PXDN: variants seen among roughly 807,000 people sequenced by gnomAD.
The protein encoded by PXDN is peroxidasin homolog.
PXDN carries 77 observed loss-of-function variants against 140.3 expected under a neutral mutation model. That is an observed-to-expected ratio of 0.55 (90% CI 0.46 to 0.66). The LOEUF (loss-of-function observed/expected upper bound fraction) is 0.66, where lower values mean the gene tolerates loss of function less well. Among genes scored for constraint, PXDN ranks in the 30% least tolerant of loss-of-function variants. PXDN has a pLI of 0.00. For missense variants in PXDN, 1,838 were observed against 2,039.5 expected (o/e 0.90, Z 1.90); for synonymous variants, 911 against 857.4 (o/e 1.06, Z -1.09).
At chr2:1,667,580 A>G (rs929252676) in intron 9 of PXDN, among the ~76,000 whole-genome samples, 1 of 152,204 alleles carries the variant, frequency 6.6e-6, no homozygotes, top group Non-Finnish European at 1.5e-5. Context: ...AAACTCCTTA[A>G]GCTTATAAAC....
At position 1,639,462 on chromosome 2, in the gene PXDN, C is replaced by T. The variant is rs1281915125; in HGVS notation, c.3953-40G>A. On this transcript the variant is annotated intron_variant, in intron 19 of 22. Coordinates refer to ENST00000252804, the MANE Select transcript of PXDN (RefSeq NM_012293.3). The surrounding 1 kb of genome is among the most constrained non-coding windows in gnomAD (Gnocchi z 5.0). ...CAAAGCAGAATGTCAGCTCTGAAGG[C>T]TCTGACCTCGGGGAAATTAAGCACA... 1.1e-5 allele frequency: 17 copies of T among 1,610,342 alleles called. No individual in the cohort carries two copies. The highest frequency in any genetic ancestry group is 1.4e-5 in the Non-Finnish European group (16 of 1,177,144).
Position 1,662,246 on chromosome 2 carries a change from A to T in PXDN, c.1568-62T>A. The T allele has an allele frequency of 2.2e-6, 3 of 1,394,536 alleles. No homozygotes were observed. In the East Asian group the frequency reaches 7.5e-5, roughly 35 times the overall value. 86.4% of individuals were successfully genotyped at this position (1,394,536 alleles called of 1,614,324 possible). ...CAATTACATCAAAAAACTTCAGAAG[A>T]ACAAAATCCCCTGCCCTCCATCAGG... On this transcript the variant is annotated intron_variant, in intron 12 of 22. Coordinates refer to ENST00000252804, the MANE Select transcript of PXDN (RefSeq NM_012293.3).
chr2:1,675,043 C>T (rs1175625796), intron 8 of PXDN, among the ~76,000 whole-genome samples: 5 of 139,546 alleles, frequency 3.6e-5, no homozygotes, highest in African/African-American at 1.3e-4. Context: ...AAATCTTCCT[C>T]ATGCTCTCCT....
intron 1 of PXDN, among the ~76,000 whole-genome samples, chr2:1,694,398 T>A (rs1439833973): frequency 6.6e-6 from 1 of 152,184 alleles, no homozygotes; most frequent in Non-Finnish European, 1.5e-5. Flanking sequence ...AGTATCTGTG[T>A]CACTGACAGC....
rs1350557418 is a variant in PXDN, at chr2:1,651,926, A to G, written c.2104+1702T>C. On this transcript the variant is annotated intron_variant, in intron 16 of 22. Transcript: ENST00000252804. This position sits in a 1 kb window ranked among gnomAD's most constrained non-coding sequence, Gnocchi z 4.4. The stretch of plus-strand genomic sequence containing the variant: ...TGACTGTAGGCCCTGGCCCAGGACA[A>G]TGACTGGCATAGAGGGTGTGCCCTG... 6.6e-6 allele frequency among the ~76,000 whole-genome samples: 1 copy of G among 152,214 alleles called. No individual in the cohort carries two copies. Among genetic ancestry groups the G allele is most frequent in the Non-Finnish European group, 1.5e-5 (1 of 68,040 alleles).
intron 1 of PXDN, among the ~76,000 whole-genome samples, chr2:1,709,210 G>A (rs1177681521): frequency 6.6e-6 from 1 of 152,206 alleles, no homozygotes; most frequent in Non-Finnish European, 1.5e-5. Flanking sequence ...CAGGTGCGGG[G>A]ACCACGAGCA....
chr2:1,650,355 C>T (rs59941580), intron 16 of PXDN, among the ~76,000 whole-genome samples: 6,484 of 152,290 alleles, frequency 0.043, 431 homozygotes, highest in African/African-American at 0.14. Flanking sequence ...CCACAGCAAG[C>T]GCACGCTCCC....
At chr2:1,643,020 C>T (rs1023842092) in intron 19 of PXDN, among the ~76,000 whole-genome samples, 1 of 152,156 alleles carries the variant, frequency 6.6e-6, no homozygotes, top group Non-Finnish European at 1.5e-5. Context: ...TTTTGATTTT[C>T]GTCTTTTATC....
At position 1,644,673 on chromosome 2, in the gene PXDN, G is replaced by C; in HGVS notation, c.3688C>G (p.Pro1230Ala). Reference sequence around the variant, plus strand: ...GTGCTGAGAAGACACATCAGGGTGGGGCCCAGCCGGCTGCCAGGCACCAGG... The same window carrying C: ...GTGCTGAGAAGACACATCAGGGTGGCGCCCAGCCGGCTGCCAGGCACCAGG... Reference protein sequence around the residue: ...EDLVPGSRLGPTLMCLLSTQF... With the variant: ...EDLVPGSRLGATLMCLLSTQF... The change falls in exon 18 of 23, where the codon CCC (proline) becomes GCC (alanine). Residue 1230 changes from proline to alanine, a missense_variant. Around this residue, in one of 5 missense-constraint regions of PXDN, gnomAD observed 850 missense variants for 894.1 expected, o/e 0.95. Transcript: ENST00000252804. 6.2e-7 allele frequency: 1 copy of C among 1,606,240 alleles called. No individual in the cohort carries two copies.
intron 18 of PXDN, among the ~76,000 whole-genome samples, chr2:1,643,953 T>C (rs1377704277): frequency 2.0e-5 from 3 of 150,850 alleles, no homozygotes; most frequent in South Asian, 2.1e-4. Context: ...GCACCTGTAG[T>C]CCCAGCTACT....
intron 1 of PXDN, among the ~76,000 whole-genome samples, chr2:1,698,146 T>C (rs939360264): frequency 9.2e-5 from 14 of 152,166 alleles, no homozygotes; most frequent in Non-Finnish European, 1.6e-4. Context: ...CCAATGACAG[T>C]AAGCAGCGGT....
chr2:1,701,844 G>A (rs569876416), intron 1 of PXDN, among the ~76,000 whole-genome samples: 2 of 152,174 alleles, frequency 1.3e-5, no homozygotes, highest in African/African-American at 2.4e-5. Context: ...AAAGAACCCC[G>A]ACAGCGGTCT....
intron 8 of PXDN, among the ~76,000 whole-genome samples, 178 bp from the exon 9 acceptor site, chr2:1,673,990 G>C (rs1450460126): frequency 6.6e-6 from 1 of 152,170 alleles, no homozygotes; most frequent in Non-Finnish European, 1.5e-5. Context: ...CTGAAAAGGG[G>C]ACCGTGTATT....
Position 1,649,663 on chromosome 2 carries a change from T to C in PXDN, c.2117A>G (p.Asn706Ser), listed in dbSNP as rs1050472397. Residue 706 changes from asparagine to serine, a missense_variant, in exon 17 of 23, where the codon AAC (asparagine) becomes AGC (serine). Physicochemically the swap from Asn to Ser is conservative, Grantham distance 46 (BLOSUM62 1). Around this residue, in one of 5 missense-constraint regions of PXDN, gnomAD observed 537 missense variants for 583.9 expected, o/e 0.92. Transcript: ENST00000252804. This position sits in a 1 kb window ranked among gnomAD's most constrained non-coding sequence, Gnocchi z 7.1. The part of the protein sequence containing the change: ...VDLNGTSYHY[N>S]DLVSPQYLNL... ...CAGGTACTGTGGAGACACCAGGTCG[T>C]TGTAGTGGTAACCTGGGACGTGGAG... The C allele has an allele frequency of 6.2e-7, 1 of 1,613,838 alleles. No individual in the cohort carries two copies. The highest frequency in any genetic ancestry group is 1.7e-5 in the Admixed American group (1 of 60,018).
In PXDN at chr2:1,635,273, G is replaced by A. The variant is rs1682519512; in HGVS notation, c.4320+135C>T. On this transcript the variant is annotated intron_variant, in intron 22 of 22. Transcript: ENST00000252804. ...TGCCTGGTGCTTCCATAGGAGTGAA[G>A]GAGGGATGGAGGCCAGCACAGGTAG... 2.1e-5 allele frequency: 16 copies of A among 753,132 alleles called. No homozygotes were observed. In the South Asian group the frequency reaches 2.2e-4, roughly 10 times the overall value. 46.7% of individuals were successfully genotyped at this position (753,132 alleles called of 1,614,324 possible).
chr2:1,668,802 G>A (rs1683507643), intron 9 of PXDN, among the ~76,000 whole-genome samples: 1 of 152,224 alleles, frequency 6.6e-6, no homozygotes, highest in Non-Finnish European at 1.5e-5. Flanking sequence ...GGAAACAACA[G>A]ATGCTGGCGA....
At chr2:1,694,191 C>T (rs1280136859) in intron 1 of PXDN, among the ~76,000 whole-genome samples, 1 of 152,176 alleles carries the variant, frequency 6.6e-6, no homozygotes, top group Admixed American at 6.5e-5. Flanking sequence ...CCGAAATCCA[C>T]ATGTTGAAAT....
intron 3 of PXDN, among the ~76,000 whole-genome samples, chr2:1,690,179 C>T (rs538782926): frequency 2.0e-5 from 3 of 152,260 alleles, no homozygotes; most frequent in Non-Finnish European, 2.9e-5. Flanking sequence ...AAAGGGTCCC[C>T]GGGCCTCTCT....
intron 1 of PXDN, among the ~76,000 whole-genome samples, chr2:1,695,284 G>A (rs992648769): frequency 6.6e-6 from 1 of 152,210 alleles, no homozygotes; most frequent in African/African-American, 2.4e-5. Flanking sequence ...GGACAGAGAG[G>A]TGCTGTCCCA....
Sources: gnomAD v4.1 joint callset for allele counts (sites outside exome capture counted in the v4.1 genomes callset) on GRCh38, gnomAD v4.1.1 for gene constraint, gnomAD v4.1.1 regional missense constraint, Gnocchi (gnomAD v3.1) non-coding constraint, MANE v1.5 for transcripts, NCBI Gene and HGNC (gene_info 2026-07-23, HGNC 2026-07-21) for gene names.